The following SEMA6D variants were observed in gnomAD, a reference collection of about 807,000 sequenced individuals.
The protein encoded by SEMA6D is semaphorin 6D.
Under a neutral mutation model 106.6 loss-of-function variants are expected in SEMA6D, and 35 were observed. The observed-to-expected ratio is 0.33, with a 90% confidence interval of 0.25 to 0.44. The LOEUF is 0.44. SEMA6D is among the 20% of genes least tolerant of loss of function. SEMA6D has a pLI of 1.00. For missense variants in SEMA6D, 1,185 were observed against 1,345.9 expected, an observed-to-expected ratio of 0.88 and a Z score of 1.87; for synonymous variants, 499 against 487.7, an observed-to-expected ratio of 1.02 and a Z score of -0.31.
At chr15:47,279,699 C>T (rs36135298) in intron 1 of SEMA6D, among the ~76,000 whole-genome samples, 91,970 of 151,712 alleles carry the variant, frequency 0.61, 28,382 homozygotes, top group East Asian at 0.92. Context: ...GAGAGACGTC[C>T]CATCAATACC....
chr15:47,241,780 C>T (rs1184287471), intron 1 of SEMA6D, among the ~76,000 whole-genome samples: 1 of 151,972 alleles, frequency 6.6e-6, no homozygotes, highest in Non-Finnish European at 1.5e-5. Context: ...TGTGGACTTT[C>T]TAGTTCTGCC....
chr15:47,298,184 C>T (rs944738781), intron 1 of SEMA6D, among the ~76,000 whole-genome samples: 18 of 152,142 alleles, frequency 1.2e-4, no homozygotes, highest in African/African-American at 4.1e-4. Flanking sequence ...ACCAGAAGCC[C>T]TCCTGGGTTA....
chr15:47,570,485 T>C (rs1481807249), intron 3 of SEMA6D, among the ~76,000 whole-genome samples: 1 of 152,274 alleles, frequency 6.6e-6, no homozygotes, highest in African/African-American at 2.4e-5. Flanking sequence ...TTTGACATTT[T>C]ATTTTTTAAT....
In SEMA6D at chr15:47,412,656, G is replaced by A. The variant is rs185563500; in HGVS notation, c.-159+184G>A. Among the ~76,000 whole-genome samples, 49 of 152,204 alleles carry A rather than the reference G, an allele frequency of 3.2e-4. No homozygotes were observed. In the East Asian group the frequency reaches 9.1e-3, roughly 28 times the overall value. ...ATAAGTACTGAACATAGTGTTTGTT[G>A]GTACGAGTGAAAATAGGGAAACTAA... is the stretch of plus-strand genomic sequence containing the variant. On this transcript the variant is annotated intron_variant, in intron 2 of 19. Transcript: ENST00000558014.
At chr15:47,717,794 T>TGTGTGTGTGTGC (rs1379079967) in intron 1 of SEMA6D, 102 bp downstream of exon 1, 23 of 132,912 alleles carry the variant, frequency 1.7e-4, no homozygotes, top group African/African-American at 8.2e-4. Context: ...TGTGTGTGTG[T>TGTGTGTGTGTGC]GCGCGCGGTG....
intron 10 of SEMA6D, 35 bp from the exon 11 acceptor site, chr15:47,764,139 G>A (rs201448435): frequency 6.2e-4 from 998 of 1,612,588 alleles, no homozygotes; most frequent in Non-Finnish European, 7.5e-4. Flanking sequence ...GCTTCATGTC[G>A]CCAGCCTCTT....
At chr15:47,756,626 C>T (rs542927675) in intron 1 of SEMA6D, among the ~76,000 whole-genome samples, 27 of 152,274 alleles carry the variant, frequency 1.8e-4, no homozygotes, top group African/African-American at 6.0e-4. Flanking sequence ...ATCTCAAGAT[C>T]CATGTTTTTT....
chr15:47,770,055 G>A (rs1470707425), intron 18 of SEMA6D, among the ~76,000 whole-genome samples: 1 of 152,046 alleles, frequency 6.6e-6, no homozygotes, highest in Non-Finnish European at 1.5e-5. Flanking sequence ...AATTATTTTA[G>A]CATATGTTTA....
At chr15:47,613,714 C>T (rs1301222652) in intron 4 of SEMA6D, among the ~76,000 whole-genome samples, 3 of 151,862 alleles carry the variant, frequency 2.0e-5, no homozygotes, top group African/African-American at 4.8e-5. Flanking sequence ...AGTGTGGTGG[C>T]GCGATCTCAG....
chr15:47,650,364 C>T (rs903502298), intron 4 of SEMA6D, among the ~76,000 whole-genome samples: 1 of 152,150 alleles, frequency 6.6e-6, no homozygotes, highest in African/African-American at 2.4e-5. Flanking sequence ...TCCAAGAAAC[C>T]GCTATAACTA....
At chr15:47,432,287 A>G (rs1183951394) in intron 2 of SEMA6D, among the ~76,000 whole-genome samples, 1 of 152,134 alleles carries the variant, frequency 6.6e-6, no homozygotes, top group Non-Finnish European at 1.5e-5. Flanking sequence ...GAGTAGGAGC[A>G]AAAAGTGCTT....
At chr15:47,583,356 G>A (rs2076285220) in intron 3 of SEMA6D, among the ~76,000 whole-genome samples, 1 of 152,184 alleles carries the variant, frequency 6.6e-6, no homozygotes, top group South Asian at 2.1e-4. Flanking sequence ...TAGCTGGAGA[G>A]GTTCTTTCTG....
At chr15:47,709,239 T>C (rs1018183823) in intron 4 of SEMA6D, among the ~76,000 whole-genome samples, 1 of 152,070 alleles carries the variant, frequency 6.6e-6, no homozygotes, top group Non-Finnish European at 1.5e-5. Context: ...TCTTCATATC[T>C]CCAGGTTCTG....
chr15:47,581,376 T>C, intron 3 of SEMA6D: 1 of 494,186 alleles, frequency 2.0e-6, no homozygotes, highest in Non-Finnish European at 4.0e-6. Context: ...AACTGCCAAA[T>C]AAACAAGATA....
At chr15:47,504,939 A>G (rs1399403327) in intron 3 of SEMA6D, among the ~76,000 whole-genome samples, 1 of 152,076 alleles carries the variant, frequency 6.6e-6, no homozygotes, top group Non-Finnish European at 1.5e-5. Flanking sequence ...AGAGGCATGG[A>G]GAGTAAAGGC....
At chr15:47,190,989 C>T (rs933493514) in intron 1 of SEMA6D, among the ~76,000 whole-genome samples, 1 of 151,986 alleles carries the variant, frequency 6.6e-6, no homozygotes, top group Non-Finnish European at 1.5e-5. Context: ...TGGCAACATT[C>T]GGAGACCCTG....
intron 1 of SEMA6D, among the ~76,000 whole-genome samples, chr15:47,411,918 A>G (rs1316757974): frequency 1.5e-5 from 2 of 136,718 alleles, no homozygotes; most frequent in Non-Finnish European, 1.6e-5. Flanking sequence ...ATCCTTGTCC[A>G]CTGTGACAAG....
At chr15:47,624,219 G>A (rs974381069) in intron 4 of SEMA6D, among the ~76,000 whole-genome samples, 3 of 152,186 alleles carry the variant, frequency 2.0e-5, no homozygotes, top group Non-Finnish European at 2.9e-5. Context: ...GACACTGCGT[G>A]TTCTTGGAAG....
At chr15:47,727,385 C>G (rs2079826033) in intron 1 of SEMA6D, among the ~76,000 whole-genome samples, 1 of 152,140 alleles carries the variant, frequency 6.6e-6, no homozygotes, top group African/African-American at 2.4e-5. Flanking sequence ...GCCCATTGTC[C>G]CTTCACCACA....
Sources: allele counts gnomAD v4.1 joint callset (sites outside exome capture counted in the v4.1 genomes callset), GRCh38; gene constraint gnomAD v4.1.1; transcripts MANE v1.5; gene names NCBI Gene and HGNC (gene_info 2026-07-23, HGNC 2026-07-21).